GUCY2F: variants seen among roughly 807,000 people sequenced by gnomAD.
GUCY2F encodes guanylate cyclase 2F, retinal, also known as retinal guanylyl cyclase 2.
A neutral mutation model predicts 73.1 loss-of-function variants in GUCY2F; 61 were observed. The observed-to-expected ratio is 0.83, with a 90% CI of 0.68 to 1.03. The LOEUF is 1.03. GUCY2F is among the 50% of genes least tolerant of loss of function. The pLI is 0.00. For synonymous variants in GUCY2F, 331 were observed against 307.8 expected (o/e 1.08, Z -0.79); for missense variants, 912 against 854.3 (o/e 1.07, Z -0.84).
At chrX:109,468,588 C>T (rs746393426) in intron 2 of GUCY2F, among the ~76,000 whole-genome samples, 2 of 111,826 alleles carry the variant, frequency 1.8e-5, no homozygotes, top group Admixed American at 1.9e-4. Context: ...ACCTTACCCT[C>T]AACCCTAAAT....
chrX:109,444,507 T>C (rs1311526121), intron 6 of GUCY2F, among the ~76,000 whole-genome samples: 1 of 111,923 alleles, frequency 8.9e-6, no homozygotes, highest in Admixed American at 9.5e-5. Context: ...ACTACCATAC[T>C]ATAAATTACA....
chrX:109,447,260 C>G (rs1482216685), intron 6 of GUCY2F, among the ~76,000 whole-genome samples: 2 of 111,198 alleles, frequency 1.8e-5, no homozygotes, highest in African/African-American at 6.6e-5. Context: ...TTTGACCCAG[C>G]CATCCCATTA....
At chrX:109,438,128 G>A (rs924581066) in intron 7 of GUCY2F, among the ~76,000 whole-genome samples, 1 of 112,384 alleles carries the variant, frequency 8.9e-6, no homozygotes, top group Non-Finnish European at 1.9e-5. Flanking sequence ...TTTATAAAGA[G>A]AGGAATATAT....
chrX:109,441,893 TAA>T (rs939192947), intron 6 of GUCY2F, among the ~76,000 whole-genome samples: 1 of 111,626 alleles, frequency 9.0e-6, no homozygotes, highest in Non-Finnish European at 1.9e-5. Flanking sequence ...ATCTGACATT[TAA>T]AAAAAATCTA....
intron 7 of GUCY2F, among the ~76,000 whole-genome samples, chrX:109,437,005 AG>A (rs1429511001): frequency 9.0e-6 from 1 of 111,634 alleles, no homozygotes; most frequent in Non-Finnish European, 1.9e-5. Flanking sequence ...AAAAAAAAAA[AG>A]AAAATTTGAT....
intron 12 of GUCY2F, among the ~76,000 whole-genome samples, chrX:109,394,720 C>T (rs1930662060): frequency 8.9e-6 from 1 of 112,109 alleles, no homozygotes. Flanking sequence ...TCAATCCCCA[C>T]CTCTAGGGAG....
At chrX:109,427,338 G>A (rs1372495171) in intron 8 of GUCY2F, among the ~76,000 whole-genome samples, 1 of 112,240 alleles carries the variant, frequency 8.9e-6, no homozygotes, top group Non-Finnish European at 1.9e-5. Flanking sequence ...TGCCTTTATA[G>A]GAGTACAGGG....
At chrX:109,457,904 T>C (rs1211375252) in intron 3 of GUCY2F, among the ~76,000 whole-genome samples, 4 of 112,062 alleles carry the variant, frequency 3.6e-5, no homozygotes, top group Admixed American at 2.8e-4. Flanking sequence ...AGAATTTAAC[T>C]GAAAACAAGC....
chrX:109,407,463 T>A (rs1408791811), intron 9 of GUCY2F, among the ~76,000 whole-genome samples: 1 of 112,981 alleles, frequency 8.9e-6, no homozygotes, highest in African/African-American at 3.2e-5. Flanking sequence ...CAAAACCTAT[T>A]TTTTTAGGAG....
intron 2 of GUCY2F, among the ~76,000 whole-genome samples, chrX:109,469,975 T>C (rs1387724652): frequency 2.7e-5 from 3 of 111,813 alleles, no homozygotes; most frequent in Non-Finnish European, 5.6e-5. Flanking sequence ...AGCTACCACT[T>C]ACTTAACTAC....
chrX:109,456,260 A>C (rs1278648921), intron 3 of GUCY2F, among the ~76,000 whole-genome samples: 2 of 111,729 alleles, frequency 1.8e-5, no homozygotes, highest in East Asian at 5.6e-4. Flanking sequence ...CAAAACCCTG[A>C]CTGTTTTCTG....
At chrX:109,481,376 A>G (rs1348094856) in intron 1 of GUCY2F, among the ~76,000 whole-genome samples, 1 of 111,885 alleles carries the variant, frequency 8.9e-6, no homozygotes, top group Non-Finnish European at 1.9e-5. Flanking sequence ...GCTAGAGCAT[A>G]GGGATGCATA....
At chrX:109,446,767 A>T (rs551252673) in intron 6 of GUCY2F, among the ~76,000 whole-genome samples, 3 of 112,023 alleles carry the variant, frequency 2.7e-5, no homozygotes, top group African/African-American at 6.5e-5. Flanking sequence ...AAGCCAAAAT[A>T]CACAAATGGG....
intron 7 of GUCY2F, among the ~76,000 whole-genome samples, chrX:109,431,826 C>T (rs1013782406): frequency 9.2e-6 from 1 of 108,583 alleles, no homozygotes; most frequent in African/African-American, 3.4e-5. Flanking sequence ...TACCTGCCAG[C>T]ACTTTGTATT....
intron 11 of GUCY2F, among the ~76,000 whole-genome samples, chrX:109,396,042 A>G (rs1266205366): frequency 1.8e-5 from 2 of 112,389 alleles, no homozygotes; most frequent in East Asian, 5.6e-4. Context: ...AACGCTTTGC[A>G]TGCATTATTT....
intron 6 of GUCY2F, among the ~76,000 whole-genome samples, chrX:109,447,677 T>G (rs1256375352): frequency 9.5e-6 from 1 of 105,358 alleles, no homozygotes; most frequent in Non-Finnish European, 2.0e-5. Context: ...CTAATGTAAA[T>G]GACGAGTTAA....
At chrX:109,468,093 G>A (rs1932506473) in intron 2 of GUCY2F, among the ~76,000 whole-genome samples, 1 of 111,418 alleles carries the variant, frequency 9.0e-6, no homozygotes, top group Non-Finnish European at 1.9e-5. Flanking sequence ...CAATCCTACT[G>A]TCTTCTCTTC....
At chrX:109,445,016 C>T (rs1440546208) in intron 6 of GUCY2F, among the ~76,000 whole-genome samples, 2 of 111,497 alleles carry the variant, frequency 1.8e-5, no homozygotes, top group Admixed American at 1.9e-4. Flanking sequence ...TGATATGCCT[C>T]CTCTGAAGTC....
At chrX:109,411,681 C>T (rs763536086) in intron 8 of GUCY2F, among the ~76,000 whole-genome samples, 1 of 111,468 alleles carries the variant, frequency 9.0e-6, no homozygotes, top group Non-Finnish European at 1.9e-5. Flanking sequence ...ACCTACAGAA[C>T]ATCAAGGGGG....
Sources: gnomAD v4.1 joint callset for allele counts (sites outside exome capture counted in the v4.1 genomes callset) on GRCh38, gnomAD v4.1.1 for gene constraint, MANE v1.5 for transcripts, NCBI Gene and HGNC (gene_info 2026-07-23, HGNC 2026-07-21) for gene names.